The following SYT16 variants were observed in gnomAD, a reference collection of about 807,000 sequenced individuals.
The protein encoded by SYT16 is synaptotagmin-16.
SYT16 carries 42 observed loss-of-function variants against 61.4 expected under a neutral mutation model. That is an observed-to-expected ratio of 0.68 (90% CI 0.53 to 0.89). The LOEUF (loss-of-function observed/expected upper bound fraction) is 0.89. Among genes scored for constraint, SYT16 ranks in the 40% least tolerant of loss-of-function variants. The pLI is 0.00. For synonymous variants in SYT16, 314 were observed against 302.3 expected, an observed-to-expected ratio of 1.04 and a Z score of -0.40; for missense variants, 804 against 807.3, an observed-to-expected ratio of 1.00 and a Z score of 0.05.
rs139249955 is a variant in SYT16, at chr14:61,880,375, T to C, written c.-325+67565T>C. ...GTCTTAGTTGCTTTACAGGTGGTTA[T>C]GTAGCTTTAACAAGTCCAGACACAG... On this transcript the variant is annotated intron_variant, in intron 1 of 7. Transcript: ENST00000683842. Among the ~76,000 whole-genome samples the C allele has an allele frequency of 4.3e-3, 654 of 152,362 alleles. 7 individuals carry two copies. The highest frequency in any genetic ancestry group is 6.4e-3 in the Non-Finnish European group (433 of 68,036).
At chr14:62,029,937 C>G (rs544969860) in intron 3 of SYT16, among the ~76,000 whole-genome samples, 1 of 152,202 alleles carries the variant, frequency 6.6e-6, no homozygotes, top group East Asian at 1.9e-4. Flanking sequence ...TATCTTCTTC[C>G]TACTTCCCAG....
chr14:61,917,407 G>C (rs1241707911), intron 1 of SYT16, among the ~76,000 whole-genome samples: 1 of 152,160 alleles, frequency 6.6e-6, no homozygotes. Flanking sequence ...AATAAGCCTA[G>C]TGGTCCAATA....
At chr14:62,057,955 A>G (rs558398054) in intron 3 of SYT16, among the ~76,000 whole-genome samples, 55 of 152,132 alleles carry the variant, frequency 3.6e-4, no homozygotes, top group Admixed American at 7.2e-4. Context: ...ACCCCACCCC[A>G]GGCAACCATG....
intron 1 of SYT16, among the ~76,000 whole-genome samples, chr14:61,855,510 T>A (rs1489095712): frequency 6.6e-6 from 1 of 152,212 alleles, no homozygotes; most frequent in East Asian, 1.9e-4. Flanking sequence ...TATAATAAAT[T>A]ATTGAATATC....
Position 62,075,384 on chromosome 14 carries a change from G to A in SYT16, c.986G>A (p.Ser329Asn). ...GCCACTGACAGCTCCTCCATGTGGA[G>A]TCCAGAGGCAAGTTATTTGTTTTTC... ...SYATDSSSMW[S>N]PEEQDRTNLQ... The change falls in exon 5 of 8, where the codon AGT (serine) becomes AAT (asparagine). Residue 329 changes from serine (S) to asparagine (N), a missense_variant. Coordinates refer to ENST00000683842, the MANE Select transcript of SYT16 (RefSeq NM_001367656.1). 6.2e-7 allele frequency: 1 copy of A among 1,601,384 alleles called. No homozygotes were observed. The highest frequency in any genetic ancestry group is 1.1e-5 in the South Asian group (1 of 90,520).
intron 1 of SYT16, among the ~76,000 whole-genome samples, chr14:61,859,988 A>G (rs1338199723): frequency 6.6e-6 from 1 of 152,218 alleles, no homozygotes; most frequent in Non-Finnish European, 1.5e-5. Flanking sequence ...AATAGATGAC[A>G]GACCTTGTCC....
At chr14:61,905,769 T>C (rs1566668460) in intron 1 of SYT16, among the ~76,000 whole-genome samples, 1 of 151,470 alleles carries the variant, frequency 6.6e-6, no homozygotes, top group East Asian at 1.9e-4. Flanking sequence ...TTCTTTTTTT[T>C]TTTTTTGGGG....
At chr14:62,081,592 C>A (rs2056709776) in intron 6 of SYT16, among the ~76,000 whole-genome samples, 1 of 152,192 alleles carries the variant, frequency 6.6e-6, no homozygotes, top group Non-Finnish European at 1.5e-5. Context: ...ACTCCTCCTG[C>A]CCCCAATCTG....
At chr14:62,092,838 A>G (rs561963603) in intron 7 of SYT16, among the ~76,000 whole-genome samples, 76 of 152,146 alleles carry the variant, frequency 5.0e-4, no homozygotes, top group Non-Finnish European at 9.1e-4. Context: ...TGAATCTAAT[A>G]CCACTGAAAT....
At chr14:61,995,319 A>C (rs182882217) in intron 2 of SYT16, among the ~76,000 whole-genome samples, 1 of 152,124 alleles carries the variant, frequency 6.6e-6, no homozygotes, top group Non-Finnish European at 1.5e-5. Flanking sequence ...TAGATAATCC[A>C]TTTGCCACCC....
intron 7 of SYT16, among the ~76,000 whole-genome samples, chr14:62,092,522 A>G (rs1156465291): frequency 6.6e-6 from 1 of 152,054 alleles, no homozygotes; most frequent in Non-Finnish European, 1.5e-5. Flanking sequence ...TGTGGTATAT[A>G]CATATAAGGA....
In SYT16 at chr14:62,085,570, G is replaced by C. The variant is rs147452221; in HGVS notation, c.1624+1185G>C. ...GAACTAGGAGCACCACTGGAAAAGA[G>C]TCATCTCCTACAACTGAATCTGGGC... is the stretch of plus-strand genomic sequence containing the variant. On this transcript the variant is annotated intron_variant, in intron 7 of 7. Coordinates refer to ENST00000683842, the MANE Select transcript of SYT16 (RefSeq NM_001367656.1). Among the ~76,000 whole-genome samples the C allele has an allele frequency of 4.3e-3, 662 of 152,326 alleles. 6 individuals carry two copies. The highest frequency in any genetic ancestry group is 0.015 in the African/African-American group (630 of 41,580).
In SYT16 at chr14:62,111,520, T is replaced by C. The variant is rs2057608506; in HGVS notation, c.*10813T>C. The C allele has an allele frequency of 6.6e-6, 1 of 152,162 alleles. No homozygotes were observed. The highest frequency in any genetic ancestry group is 6.5e-5 in the Admixed American group (1 of 15,276). 9.4% of individuals were successfully genotyped at this position (152,162 alleles called of 1,614,324 possible). On this transcript the variant is annotated 3_prime_UTR_variant, in exon 8 of 8. Coordinates refer to ENST00000683842, the MANE Select transcript of SYT16 (RefSeq NM_001367656.1). ...TTGTCAAAGGCAGTCAGTAATTTTA[T>C]AAATTTCACTTTTGTGGATAGTTAA...
chr14:61,838,228 T>G (rs530224855), intron 1 of SYT16, among the ~76,000 whole-genome samples: 2 of 152,262 alleles, frequency 1.3e-5, no homozygotes, highest in South Asian at 4.2e-4. Context: ...GTGGGAAAAT[T>G]AAATCTCAAT....
chr14:62,107,493 G>A lies in SYT16; in HGVS notation c.*6786G>A, dbSNP rs2057534541. 6.6e-6 allele frequency: 1 copy of A among 152,128 alleles called. No homozygotes were observed. The highest frequency in any genetic ancestry group is 1.5e-5 in the Non-Finnish European group (1 of 68,024). The allele number at this position is 152,128 out of a possible 1,614,324, so 9.4% of individuals were successfully genotyped here. ...TGTTCCAGACTCAGGGTTAGGGGTTGGAGAATGGCAGATGGATAAAATAGT... is the reference window on the plus strand; with the variant it reads ...TGTTCCAGACTCAGGGTTAGGGGTTAGAGAATGGCAGATGGATAAAATAGT... On this transcript the variant is annotated 3_prime_UTR_variant, in exon 8 of 8. Transcript: ENST00000683842.
At chr14:61,823,574 C>CAAAAAAA (rs55935256) in intron 1 of SYT16, among the ~76,000 whole-genome samples, 51 of 71,022 alleles carry the variant, frequency 7.2e-4, no homozygotes, top group East Asian at 2.4e-3. Context: ...ACTAAAAATA[C>CAAAAAAA]AAAAAAAAAA....
At position 62,016,162 on chromosome 14, in the gene SYT16, G is replaced by A. The variant is rs546906260; in HGVS notation, c.523+19620G>A. ...CCAGGAACAAAAGATCAAGGGAGCA[G>A]TAACTCTTCTCTGGCACTCCAGCTA... On this transcript the variant is annotated intron_variant, in intron 3 of 7. Transcript: ENST00000683842. Among the ~76,000 whole-genome samples, 5 of 152,262 alleles carry A rather than the reference G, an allele frequency of 3.3e-5. No homozygotes were observed. The East Asian group carries it at 7.7e-4, about 24-fold the overall frequency.
chr14:61,999,703 C>G (rs527413520), intron 3 of SYT16, among the ~76,000 whole-genome samples: 4 of 151,686 alleles, frequency 2.6e-5, no homozygotes, highest in African/African-American at 9.7e-5. Flanking sequence ...ATAATTTTCC[C>G]TCTCAGCAAT....
chr14:61,902,059 G>A (rs2048541993), intron 1 of SYT16, among the ~76,000 whole-genome samples: 1 of 152,130 alleles, frequency 6.6e-6, no homozygotes, highest in Non-Finnish European at 1.5e-5. Context: ...CACCGTTCCA[G>A]ACCTGCTTAT....
Sources: allele counts gnomAD v4.1 joint callset (sites outside exome capture counted in the v4.1 genomes callset), GRCh38; gene constraint gnomAD v4.1.1; transcripts MANE v1.5; gene names NCBI Gene and HGNC (gene_info 2026-07-23, HGNC 2026-07-21).